ETV6: variants seen among roughly 807,000 people sequenced by gnomAD.
The protein encoded by ETV6 is transcription factor ETV6.
ETV6 carries 16 observed loss-of-function variants against 51.1 expected under a neutral mutation model. The observed-to-expected ratio is 0.31, with a 90% CI of 0.21 to 0.48. ETV6 has a LOEUF of 0.48. ETV6 is among the 20% of genes least tolerant of loss of function. The pLI is 0.99. For synonymous variants in ETV6, 240 were observed against 224.1 expected (o/e 1.07, Z -0.64); for missense variants, 458 against 594.8 (o/e 0.77, Z 2.39).
intron 1 of ETV6, among the ~76,000 whole-genome samples, chr12:11,723,867 C>T (rs954283969): frequency 6.6e-6 from 1 of 152,038 alleles, no homozygotes; most frequent in Non-Finnish European, 1.5e-5. Flanking sequence ...AACGAGTATT[C>T]CTTGGGACAA....
chr12:11,689,020 G>C (rs1187348070), intron 1 of ETV6, among the ~76,000 whole-genome samples: 1 of 151,820 alleles, frequency 6.6e-6, no homozygotes, highest in African/African-American at 2.4e-5. Context: ...GCTACTTACT[G>C]CATCTATAAC....
At chr12:11,681,793 C>A (rs1156597835) in intron 1 of ETV6, among the ~76,000 whole-genome samples, 1 of 152,256 alleles carries the variant, frequency 6.6e-6, no homozygotes, top group East Asian at 1.9e-4. Flanking sequence ...ATGTTCAACT[C>A]CCATTTATGA....
At chr12:11,677,288 C>A (rs114793699) in intron 1 of ETV6, among the ~76,000 whole-genome samples, 71 of 152,294 alleles carry the variant, frequency 4.7e-4, no homozygotes, top group African/African-American at 1.7e-3. Flanking sequence ...CCTCCTGCCT[C>A]TCTCTCTGCC....
intron 5 of ETV6, among the ~76,000 whole-genome samples, chr12:11,880,032 TAAA>T (rs59152213): frequency 3.2e-4 from 38 of 117,860 alleles, no homozygotes; most frequent in African/African-American, 1.1e-3. Flanking sequence ...GTCAATTGTT[TAAA>T]AAAAAAAAAA....
At chr12:11,884,662 C>T (rs147843920) in intron 6 of ETV6, 75 bp downstream of exon 6, 120 of 1,566,540 alleles carry the variant, frequency 7.7e-5, no homozygotes, top group Admixed American at 1.0e-4. Context: ...GGAGGATAAT[C>T]GTCTGTCTTC....
chr12:11,746,840 G>A (rs1419832441), intron 1 of ETV6, among the ~76,000 whole-genome samples: 5 of 144,966 alleles, frequency 3.4e-5, no homozygotes, highest in African/African-American at 2.5e-5. Flanking sequence ...GATAATACAG[G>A]TCTGGGTAAG....
intron 4 of ETV6, among the ~76,000 whole-genome samples, chr12:11,868,593 G>T (rs543590627): frequency 8.6e-5 from 13 of 151,270 alleles, no homozygotes; most frequent in African/African-American, 2.9e-4. Flanking sequence ...GGGAGCCACC[G>T]CACCCAGCCA....
intron 3 of ETV6, among the ~76,000 whole-genome samples, chr12:11,840,108 T>C (rs888025052): frequency 2.0e-5 from 3 of 152,094 alleles, no homozygotes; most frequent in African/African-American, 4.8e-5. Flanking sequence ...CCCTTAGAAG[T>C]AGGACTCGTT....
At chr12:11,734,052 A>C (rs765490424) in intron 1 of ETV6, among the ~76,000 whole-genome samples, 1 of 152,184 alleles carries the variant, frequency 6.6e-6, no homozygotes, top group Non-Finnish European at 1.5e-5. Flanking sequence ...ATCTGATTGC[A>C]CCAGGAGATG....
chr12:11,747,665 A>G (rs1865932691), intron 1 of ETV6, among the ~76,000 whole-genome samples: 1 of 152,070 alleles, frequency 6.6e-6, no homozygotes, highest in South Asian at 2.1e-4. Context: ...CAAAATATTC[A>G]ATAGCTTTTT....
intron 2 of ETV6, among the ~76,000 whole-genome samples, chr12:11,809,651 T>A (rs534130525): frequency 2.0e-4 from 30 of 152,246 alleles, no homozygotes; most frequent in African/African-American, 6.5e-4. Flanking sequence ...GTAGTTTACT[T>A]CCTGCTGCAT....
chr12:11,848,245 A>G (rs1350001031), intron 3 of ETV6, among the ~76,000 whole-genome samples: 1 of 152,168 alleles, frequency 6.6e-6, no homozygotes, highest in East Asian at 1.9e-4. Context: ...TTACACACAA[A>G]AATATTGAAC....
At chr12:11,766,091 G>T (rs978299948) in intron 2 of ETV6, among the ~76,000 whole-genome samples, 1 of 152,206 alleles carries the variant, frequency 6.6e-6, no homozygotes, top group African/African-American at 2.4e-5. Context: ...GCCAGGGTCG[G>T]TTTCGGTGGG....
At chr12:11,698,084 A>G (rs1864911586) in intron 1 of ETV6, among the ~76,000 whole-genome samples, 1 of 152,152 alleles carries the variant, frequency 6.6e-6, no homozygotes. Context: ...ATACCCCATT[A>G]CTATGGAGAA....
At chr12:11,686,370 G>A (rs1864628598) in intron 1 of ETV6, among the ~76,000 whole-genome samples, 1 of 152,164 alleles carries the variant, frequency 6.6e-6, no homozygotes, top group South Asian at 2.1e-4. Flanking sequence ...GCTGTCAAAG[G>A]TGAAGTAGGA....
chr12:11,802,476 T>C (rs540359218), intron 2 of ETV6, among the ~76,000 whole-genome samples: 1 of 152,338 alleles, frequency 6.6e-6, no homozygotes, highest in African/African-American at 2.4e-5. Context: ...TACTCTCCAG[T>C]GTTAAGGGTT....
chr12:11,695,908 A>C (rs1864870635), intron 1 of ETV6, among the ~76,000 whole-genome samples: 1 of 152,092 alleles, frequency 6.6e-6, no homozygotes, highest in Non-Finnish European at 1.5e-5. Flanking sequence ...TCTTCTTCCT[A>C]ATCATCGACT....
intron 1 of ETV6, among the ~76,000 whole-genome samples, chr12:11,700,849 G>GA (rs1160586353): frequency 2.2e-4 from 33 of 152,020 alleles, no homozygotes; most frequent in Middle Eastern, 3.2e-3. Context: ...TAAATTTACT[G>GA]AAAAAAATTC....
At position 11,893,827 on chromosome 12, in the gene ETV6, TATATATATATATATAC is replaced by T. The variant is rs1489205634; in HGVS notation, c.*2783_*2798del. Reference sequence around the variant, plus strand: ...ATATATATATATATATATATATATATATATATATATATATACACACACACACACATACACAAATATT... The same window carrying T: ...ATATATATATATATATATATATATATACACACACACACATACACAAATATT... On this transcript the variant is annotated 3_prime_UTR_variant, in exon 8 of 8. Transcript: ENST00000396373. 0.065 allele frequency: 6,508 copies of T among 100,200 alleles called. 400 individuals carry two copies. The highest frequency in any genetic ancestry group is 0.14 in the East Asian group (781 of 5,604). 6.2% of individuals were successfully genotyped at this position (100,200 alleles called of 1,614,324 possible).
Sources: gnomAD v4.1 joint callset for allele counts (sites outside exome capture counted in the v4.1 genomes callset) on GRCh38, gnomAD v4.1.1 for gene constraint, MANE v1.5 for transcripts, NCBI Gene and HGNC (gene_info 2026-07-23, HGNC 2026-07-21) for gene names.